Variants in THSD4 observed in about 807,000 individuals in gnomAD.
The protein encoded by THSD4 is thrombospondin type-1 domain-containing protein 4.
Under a neutral mutation model 119.0 loss-of-function variants are expected in THSD4, and 69 were observed. The ratio of observed to expected loss-of-function variants is 0.58; its 90% CI spans 0.48 to 0.71. THSD4 has a LOEUF of 0.71. Ranked by LOEUF, THSD4 falls within the 30% of genes least tolerant of loss-of-function variation. The pLI, the probability that THSD4 is intolerant of heterozygous loss-of-function variation, is 0.00. For synonymous variants in THSD4, 524 were observed against 540.4 expected (o/e 0.97, Z 0.42); for missense variants, 1,393 against 1,391.1 (o/e 1.00, Z -0.02).
At chr15:71,142,070 A>C (rs1404308266) in intron 2 of THSD4, among the ~76,000 whole-genome samples, 1 of 151,964 alleles carries the variant, frequency 6.6e-6, no homozygotes, top group Non-Finnish European at 1.5e-5. Context: ...GTGGTTGCAT[A>C]ATACAATTTT....
chr15:71,257,024 A>C (rs1354084748), intron 6 of THSD4, among the ~76,000 whole-genome samples: 4 of 152,180 alleles, frequency 2.6e-5, no homozygotes, highest in African/African-American at 7.2e-5. Flanking sequence ...AAGAGGTTCA[A>C]ACATAAAGTT....
chr15:71,674,173 C>T (rs1209900747), intron 8 of THSD4, among the ~76,000 whole-genome samples: 2 of 152,186 alleles, frequency 1.3e-5, no homozygotes, highest in Admixed American at 6.5e-5. Flanking sequence ...TCCCCCAGCC[C>T]TAGGCTGCAT....
chr15:71,423,261 T>C (rs1412483068), intron 7 of THSD4, among the ~76,000 whole-genome samples: 1 of 151,890 alleles, frequency 6.6e-6, no homozygotes, highest in Non-Finnish European at 1.5e-5. Flanking sequence ...GCAGAAGGAG[T>C]TTCTGTCCAT....
At chr15:71,709,797 C>T (rs1002309295) in intron 8 of THSD4, among the ~76,000 whole-genome samples, 1 of 152,134 alleles carries the variant, frequency 6.6e-6, no homozygotes, top group Non-Finnish European at 1.5e-5. Flanking sequence ...TTCAAATCTC[C>T]CATTGCCCAG....
chr15:71,675,052 C>T (rs556980683), intron 8 of THSD4, among the ~76,000 whole-genome samples: 1 of 152,322 alleles, frequency 6.6e-6, no homozygotes, highest in East Asian at 1.9e-4. Flanking sequence ...TCAGCTCACT[C>T]TGAATCCTTA....
intron 6 of THSD4, among the ~76,000 whole-genome samples, chr15:71,338,553 C>G (rs2045518898): frequency 6.6e-6 from 1 of 152,078 alleles, no homozygotes; most frequent in Admixed American, 6.6e-5. Flanking sequence ...TTTATGGTGT[C>G]TTTAGAGACA....
At chr15:71,301,120 T>G (rs2044942438) in intron 6 of THSD4, among the ~76,000 whole-genome samples, 1 of 152,174 alleles carries the variant, frequency 6.6e-6, no homozygotes, top group African/African-American at 2.4e-5. Context: ...TTGGAGGGTT[T>G]TTCTGTTGTT....
At chr15:71,616,176 G>C (rs889721474) in intron 7 of THSD4, among the ~76,000 whole-genome samples, 2 of 152,078 alleles carry the variant, frequency 1.3e-5, no homozygotes, top group African/African-American at 4.8e-5. Flanking sequence ...AAAATCTGTT[G>C]AACAGACAGA....
At chr15:71,732,473 C>G (rs2052999488) in intron 10 of THSD4, 1 of 152,142 alleles carries the variant, frequency 6.6e-6, no homozygotes, top group Non-Finnish European at 1.5e-5. Flanking sequence ...GCCCACCACC[C>G]AAATGCAGGC....
chr15:71,316,281 A>G (rs2045185494), intron 6 of THSD4, among the ~76,000 whole-genome samples: 1 of 152,182 alleles, frequency 6.6e-6, no homozygotes, highest in Admixed American at 6.5e-5. Flanking sequence ...CTTGACTTCA[A>G]ATTAAGTACA....
At chr15:71,472,334 G>C (rs1344595987) in intron 7 of THSD4, among the ~76,000 whole-genome samples, 1 of 152,152 alleles carries the variant, frequency 6.6e-6, no homozygotes, top group African/African-American at 2.4e-5. Context: ...ATGCTAACTA[G>C]TATGTATTAG....
chr15:71,768,418 G>A (rs1031816296), intron 16 of THSD4, among the ~76,000 whole-genome samples: 1 of 152,104 alleles, frequency 6.6e-6, no homozygotes, highest in Non-Finnish European at 1.5e-5. Flanking sequence ...CAGAACAAAT[G>A]ACTCAGTTCC....
chr15:71,174,332 A>T (rs1445138201), intron 3 of THSD4, among the ~76,000 whole-genome samples: 1 of 151,978 alleles, frequency 6.6e-6, no homozygotes, highest in Non-Finnish European at 1.5e-5. Flanking sequence ...TGGGAAGCGC[A>T]AGGGGTCAGG....
chr15:71,647,773 G>T (rs1158001139), intron 7 of THSD4, among the ~76,000 whole-genome samples: 1 of 152,188 alleles, frequency 6.6e-6, no homozygotes, highest in East Asian at 1.9e-4. Flanking sequence ...TGTTATAGAT[G>T]TCCCTTCATG....
chr15:71,434,120 A>G (rs2046975368), intron 7 of THSD4, among the ~76,000 whole-genome samples: 1 of 152,206 alleles, frequency 6.6e-6, no homozygotes, highest in Non-Finnish European at 1.5e-5. Context: ...CAACAATTTT[A>G]AAGCTAGCTT....
chr15:71,565,278 G>A (rs895691539), intron 7 of THSD4, among the ~76,000 whole-genome samples: 4 of 152,212 alleles, frequency 2.6e-5, no homozygotes, highest in South Asian at 2.1e-4. Context: ...TGACCTCAGA[G>A]TGCTGTTTGC....
intron 6 of THSD4, among the ~76,000 whole-genome samples, chr15:71,290,961 A>G (rs1208129462): frequency 1.3e-5 from 2 of 151,608 alleles, no homozygotes; most frequent in East Asian, 3.9e-4. Context: ...CTTATAATGA[A>G]AAACATATTC....
At chr15:71,397,354 G>A (rs1204020320) in intron 6 of THSD4, among the ~76,000 whole-genome samples, 1 of 152,148 alleles carries the variant, frequency 6.6e-6, no homozygotes, top group Admixed American at 6.5e-5. Context: ...AGGAGGTCAA[G>A]GACCTGGTCT....
chr15:71,497,474 C>T (rs2048038622), intron 7 of THSD4, among the ~76,000 whole-genome samples: 1 of 150,624 alleles, frequency 6.6e-6, no homozygotes, highest in Non-Finnish European at 1.5e-5. Flanking sequence ...CGTCGCACTA[C>T]AGCATACCAG....
Sources: allele counts gnomAD v4.1 joint callset (sites outside exome capture counted in the v4.1 genomes callset), GRCh38; gene constraint gnomAD v4.1.1; transcripts MANE v1.5; gene names NCBI Gene and HGNC (gene_info 2026-07-23, HGNC 2026-07-21).